SPATA6: variants seen among roughly 807,000 people sequenced by gnomAD.
SPATA6 encodes the protein spermatogenesis associated 6.
Under a neutral mutation model 65.3 loss-of-function variants are expected in SPATA6, and 56 were observed. The ratio of observed to expected loss-of-function variants is 0.86; its 90% CI spans 0.69 to 1.07. The LOEUF (loss-of-function observed/expected upper bound fraction) is 1.07, where lower values mean the gene tolerates loss of function less well. Among genes scored for constraint, SPATA6 ranks in the 50% least tolerant of loss-of-function variants. The probability of loss-of-function intolerance (pLI) is 0.00; values close to 1 mark genes in which losing one functional copy is unlikely to be tolerated. For synonymous variants in SPATA6, 199 were observed against 213.2 expected, an observed-to-expected ratio of 0.93 and a Z score of 0.58; for missense variants, 590 against 594.8, an observed-to-expected ratio of 0.99 and a Z score of 0.08.
At chr1:48,334,564 G>A (rs564607442) in intron 11 of SPATA6, among the ~76,000 whole-genome samples, 2 of 152,110 alleles carry the variant, frequency 1.3e-5, no homozygotes, top group Admixed American at 6.5e-5. Flanking sequence ...TACAGAAAAG[G>A]CTTTTGATAA....
At chr1:48,461,946 A>C (rs1292880778) in intron 1 of SPATA6, among the ~76,000 whole-genome samples, 2 of 152,202 alleles carry the variant, frequency 1.3e-5, no homozygotes, top group Non-Finnish European at 2.9e-5. Context: ...AACCAACCCA[A>C]ATGTCCAACA....
At chr1:48,433,620 T>C (rs1256649265) in intron 3 of SPATA6, among the ~76,000 whole-genome samples, 1 of 152,168 alleles carries the variant, frequency 6.6e-6, no homozygotes, top group African/African-American at 2.4e-5. Flanking sequence ...AGACTACTAT[T>C]AAACCTCTGT....
At chr1:48,437,679 G>A (rs1351890839) in intron 3 of SPATA6, among the ~76,000 whole-genome samples, 3 of 152,072 alleles carry the variant, frequency 2.0e-5, no homozygotes, top group Admixed American at 6.5e-5. Flanking sequence ...TTCTGGTAGA[G>A]GGAAAATGTT....
At chr1:48,321,525 G>C (rs1326829024) in intron 11 of SPATA6, among the ~76,000 whole-genome samples, 1 of 152,104 alleles carries the variant, frequency 6.6e-6, no homozygotes, top group Non-Finnish European at 1.5e-5. Context: ...GATATATAAA[G>C]CAAATATTAT....
chr1:48,286,115 G>T, the SPATA6 span, among the ~76,000 whole-genome samples: 3 of 151,856 alleles, frequency 2.0e-5, no homozygotes, highest in African/African-American at 7.3e-5. Context: ...GATGCCTCCA[G>T]CTTCCTTTTT....
chr1:48,389,188 A>AT (rs1649801629), intron 8 of SPATA6, among the ~76,000 whole-genome samples: 2 of 152,196 alleles, frequency 1.3e-5, no homozygotes, highest in Admixed American at 6.5e-5. Flanking sequence ...TAAACCAAGC[A>AT]TAAGAACCAG....
chr1:48,352,903 C>CGAA (rs1291073035), intron 11 of SPATA6, among the ~76,000 whole-genome samples: 1 of 133,342 alleles, frequency 7.5e-6, no homozygotes, highest in Admixed American at 7.6e-5. Flanking sequence ...CTTTTAAATA[C>CGAA]AAAAAAAAAA....
At chr1:48,365,366 T>C (rs1202479287) in intron 9 of SPATA6, among the ~76,000 whole-genome samples, 2 of 152,188 alleles carry the variant, frequency 1.3e-5, no homozygotes, top group African/African-American at 4.8e-5. Flanking sequence ...GGGGGTGGCA[T>C]TGAATCTGTA....
At chr1:48,382,464 G>T in intron 9 of SPATA6, among the ~76,000 whole-genome samples, 1 of 134,534 alleles carries the variant, frequency 7.4e-6, no homozygotes, top group East Asian at 2.4e-4. Context: ...GCGGGGGGCT[G>T]TCCCCCCCAC....
Position 48,403,856 on chromosome 1 carries a change from A to G in SPATA6, c.432T>C (p.Ser144=). 1 of 1,610,634 alleles carries G rather than the reference A, an allele frequency of 6.2e-7. No homozygotes were observed. Among genetic ancestry groups the G allele is most frequent in the Non-Finnish European group, 8.5e-7 (1 of 1,178,648 alleles). ...LRGNAPRLEF[S]TTSVITECLI... The stretch of plus-strand genomic sequence containing the variant: ...GACATTCAGTAATCACTGAAGTCGT[A>G]GAAAATTCCAGCCTTGGAGCATTTC... Residue 144 remains serine (S), a synonymous_variant, in exon 6 of 13, where the codon TCT becomes TCC. Coordinates refer to ENST00000371847, the MANE Select transcript of SPATA6 (RefSeq NM_019073.4).
At chr1:48,369,980 A>C (rs1647186488) in intron 9 of SPATA6, among the ~76,000 whole-genome samples, 1 of 152,230 alleles carries the variant, frequency 6.6e-6, no homozygotes, top group Admixed American at 6.5e-5. Flanking sequence ...ATGCTCTTCA[A>C]ATCTATGATA....
intron 8 of SPATA6, among the ~76,000 whole-genome samples, chr1:48,390,703 AT>A (rs1217505623): frequency 6.6e-6 from 1 of 152,206 alleles, no homozygotes; most frequent in Non-Finnish European, 1.5e-5. Flanking sequence ...TTATGTATCA[AT>A]TTTTAGAACA....
chr1:48,399,287 A>G (rs1319299739), intron 7 of SPATA6, 64 bp downstream of exon 7: 30 of 1,520,384 alleles, frequency 2.0e-5, no homozygotes, highest in Middle Eastern at 1.9e-4. Context: ...ATATTTCAGA[A>G]TAACAGTTTT....
chr1:48,462,233 T>C (rs1657497079), intron 1 of SPATA6, among the ~76,000 whole-genome samples: 1 of 151,994 alleles, frequency 6.6e-6, no homozygotes. Context: ...TTAGGAGACA[T>C]ACCTAATGCT....
At chr1:48,328,545 T>C (rs1645829347) in intron 11 of SPATA6, among the ~76,000 whole-genome samples, 1 of 152,146 alleles carries the variant, frequency 6.6e-6, no homozygotes, top group East Asian at 1.9e-4. Flanking sequence ...ATATGAAATG[T>C]GCAGAATGGG....
At chr1:48,305,151 C>G (rs1483584595) in intron 12 of SPATA6, among the ~76,000 whole-genome samples, 2 of 152,154 alleles carry the variant, frequency 1.3e-5, no homozygotes, top group African/African-American at 2.4e-5. Flanking sequence ...GATTTGAATG[C>G]AAAACCCAAG....
chr1:48,264,339 C>T, the SPATA6 span, among the ~76,000 whole-genome samples: 2 of 152,134 alleles, frequency 1.3e-5, no homozygotes, highest in Non-Finnish European at 2.9e-5. Flanking sequence ...CCAATTTCAC[C>T]ATATACCCTT....
chr1:48,407,206 A>G (rs1057018767), intron 5 of SPATA6, among the ~76,000 whole-genome samples: 69 of 152,236 alleles, frequency 4.5e-4, no homozygotes, highest in African/African-American at 1.6e-3. Context: ...CTGTGTATAG[A>G]TTAGGAAATC....
chr1:48,364,587 G>A (rs944734196), intron 9 of SPATA6, among the ~76,000 whole-genome samples: 1 of 152,178 alleles, frequency 6.6e-6, no homozygotes, highest in African/African-American at 2.4e-5. Flanking sequence ...TTTTTTGGCT[G>A]CATAAATGTC....
Sources: gnomAD v4.1 joint callset for allele counts (sites outside exome capture counted in the v4.1 genomes callset) on GRCh38, gnomAD v4.1.1 for gene constraint, MANE v1.5 for transcripts, NCBI Gene and HGNC (gene_info 2026-07-23, HGNC 2026-07-21) for gene names.